Variants in OTOGL observed in about 807,000 individuals in gnomAD.
OTOGL encodes the protein otogelin-like protein.
OTOGL carries 285 observed loss-of-function variants against 318.5 expected under a neutral mutation model. The observed-to-expected ratio is 0.89, with a 90% confidence interval of 0.81 to 0.99. The LOEUF is 0.99. OTOGL is among the 50% of genes least tolerant of loss of function. OTOGL has a pLI of 0.00. For synonymous variants in OTOGL, 987 were observed against 936.5 expected, an observed-to-expected ratio of 1.05 and a Z score of -0.99; for missense variants, 2,899 against 2,845.6, an observed-to-expected ratio of 1.02 and a Z score of -0.43.
intron 53 of OTOGL, among the ~76,000 whole-genome samples, chr12:80,367,165 G>A (rs1890593920): frequency 6.7e-6 from 1 of 150,046 alleles, no homozygotes; most frequent in Non-Finnish European, 1.5e-5. Context: ...TTTGGAAATG[G>A]GGTCTTGCTA....
intron 50 of OTOGL, 21 bp downstream of exon 50, chr12:80,358,370 C>G: frequency 1.3e-6 from 2 of 1,519,748 alleles, no homozygotes; most frequent in Non-Finnish European, 1.8e-6. Context: ...ATTAACTATT[C>G]TAAAATATTT....
chr12:80,359,418 A>T (rs1297219767), intron 52 of OTOGL, among the ~76,000 whole-genome samples: 2 of 152,192 alleles, frequency 1.3e-5, no homozygotes, highest in Non-Finnish European at 2.9e-5. Flanking sequence ...GTACTTTACA[A>T]GTCTTTGTTT....
At chr12:80,221,547 G>T (rs1176542850) in intron 6 of OTOGL, among the ~76,000 whole-genome samples, 1 of 152,002 alleles carries the variant, frequency 6.6e-6, no homozygotes, top group Non-Finnish European at 1.5e-5. Context: ...AGGATTACAG[G>T]TACAAGCCAC....
intron 34 of OTOGL, among the ~76,000 whole-genome samples, chr12:80,323,224 A>C (rs570221668): frequency 1.3e-5 from 2 of 152,184 alleles, no homozygotes; most frequent in South Asian, 2.1e-4. Context: ...ATAGGTGTAC[A>C]TGTAGATATT....
In OTOGL at chr12:80,214,721, A is replaced by G. The variant is rs1458501581; in HGVS notation, c.168+2724A>G. The stretch of plus-strand genomic sequence containing the variant: ...ACAGTGAGATATAAACAAGAATAGC[A>G]GTGCCTGTTATCTAGAAACTCCATC... On this transcript the variant is annotated intron_variant, in intron 4 of 58. Coordinates refer to ENST00000547103, the MANE Select transcript of OTOGL (RefSeq NM_001378609.3). 4.6e-5 allele frequency among the ~76,000 whole-genome samples: 7 copies of G among 152,160 alleles called. No homozygotes were observed. In the East Asian group the frequency reaches 1.3e-3, roughly 29 times the overall value.
At chr12:80,166,853 T>A (rs1402235294) in intron 1 of OTOGL, among the ~76,000 whole-genome samples, 1 of 152,080 alleles carries the variant, frequency 6.6e-6, no homozygotes, top group Non-Finnish European at 1.5e-5. Context: ...AAAGCACGAA[T>A]TGGAGACTTA....
intron 4 of OTOGL, among the ~76,000 whole-genome samples, chr12:80,217,214 A>T (rs950022411): frequency 2.0e-5 from 3 of 150,634 alleles, no homozygotes; most frequent in African/African-American, 7.3e-5. Context: ...GCAGTCAATT[A>T]TTCCAAAGGT....
chr12:80,236,277 A>G (rs1024920017), intron 9 of OTOGL, among the ~76,000 whole-genome samples: 3 of 152,176 alleles, frequency 2.0e-5, no homozygotes, highest in Non-Finnish European at 4.4e-5. Flanking sequence ...TTTTCCCAGC[A>G]TAATAATTAA....
At chr12:80,280,060 A>G (rs1459113840) in intron 26 of OTOGL, among the ~76,000 whole-genome samples, 2 of 151,764 alleles carry the variant, frequency 1.3e-5, no homozygotes, top group African/African-American at 2.4e-5. Flanking sequence ...AATGATGTTG[A>G]GCATTTTTTC....
At chr12:80,325,092 G>C (rs563531114) in intron 35 of OTOGL, among the ~76,000 whole-genome samples, 1 of 152,078 alleles carries the variant, frequency 6.6e-6, no homozygotes, top group South Asian at 2.1e-4. Context: ...TAGTAGGAGA[G>C]AATATTTTTA....
At chr12:80,249,874 GT>G (rs902756790) in intron 11 of OTOGL, among the ~76,000 whole-genome samples, 2 of 152,150 alleles carry the variant, frequency 1.3e-5, no homozygotes, top group African/African-American at 4.8e-5. Flanking sequence ...GTGGTGCGCC[GT>G]TTTTTAAGCC....
intron 12 of OTOGL, 76 bp downstream of exon 12, chr12:80,251,875 A>T: frequency 7.9e-7 from 1 of 1,261,114 alleles, no homozygotes; most frequent in Non-Finnish European, 1.1e-6. Flanking sequence ...AACTTACTGT[A>T]CTACTCAATA....
intron 7 of OTOGL, among the ~76,000 whole-genome samples, chr12:80,224,690 G>T (rs1878665665): frequency 6.6e-6 from 1 of 151,950 alleles, no homozygotes; most frequent in African/African-American, 2.4e-5. Flanking sequence ...TGTAAAAGGG[G>T]TTGAGTTCTT....
intron 52 of OTOGL, among the ~76,000 whole-genome samples, chr12:80,360,882 ATATT>A (rs1450752833): frequency 1.3e-5 from 2 of 152,086 alleles, no homozygotes; most frequent in African/African-American, 4.8e-5. Context: ...AATATTGTAT[ATATT>A]TATTATGTAC....
Position 80,296,897 on chromosome 12 carries a change from C to T in OTOGL, c.2999C>T (p.Ser1000Phe). The T allele has an allele frequency of 1.9e-6, 3 of 1,538,872 alleles. No homozygotes were observed. Among genetic ancestry groups the T allele is most frequent in the East Asian group, 2.3e-5 (1 of 42,622 alleles). Residue 1000 changes from serine to phenylalanine, a missense_variant, in exon 27 of 59, where the codon TCT becomes TTT. Physicochemically the swap from Ser to Phe is radical, Grantham distance 155. This residue lies in a region of OTOGL where 2,607 missense variants were observed against 2,524.9 expected (regional missense o/e 1.03). Coordinates refer to ENST00000547103, the MANE Select transcript of OTOGL (RefSeq NM_001378609.3). ...TGCTTTGACAACGATATTGTTTGTTCTAAAAGTGTTTTGATTTCAGTTGGG... is the reference window on the plus strand; with the variant it reads ...TGCTTTGACAACGATATTGTTTGTTTTAAAAGTGTTTTGATTTCAGTTGGG... ...KKCFDNDIVC[S>F]KSVLISVGDT...
At chr12:80,373,582 T>C (rs1231684726) in intron 57 of OTOGL, among the ~76,000 whole-genome samples, 13 of 152,038 alleles carry the variant, frequency 8.6e-5, no homozygotes, top group Admixed American at 3.9e-4. Flanking sequence ...AGTAGTCTTA[T>C]ATTTTTAGAT....
chr12:80,329,173 C>T, intron 37 of OTOGL, 54 bp downstream of exon 37: 2 of 1,310,424 alleles, frequency 1.5e-6, no homozygotes, highest in Non-Finnish European at 1.0e-6. Context: ...TAAGTGTTGG[C>T]TTAATTTATG....
intron 5 of OTOGL, among the ~76,000 whole-genome samples, chr12:80,218,130 A>G (rs538603816): frequency 8.4e-4 from 128 of 152,328 alleles, no homozygotes; most frequent in African/African-American, 2.5e-3. Context: ...CTGTAAATAC[A>G]TTTTTAAAGG....
At chr12:80,147,375 C>T (rs9737691) in intron 1 of OTOGL, among the ~76,000 whole-genome samples, 77,523 of 141,374 alleles carry the variant, frequency 0.55, 22,590 homozygotes, top group African/African-American at 0.75. Context: ...TTGAGTGAGA[C>T]TCTTAATCCT....
Sources: gnomAD v4.1 joint callset for allele counts (sites outside exome capture counted in the v4.1 genomes callset) on GRCh38, gnomAD v4.1.1 for gene constraint, gnomAD v4.1.1 regional missense constraint, MANE v1.5 for transcripts, NCBI Gene and HGNC (gene_info 2026-07-23, HGNC 2026-07-21) for gene names.